HLCS: variants seen among roughly 807,000 people sequenced by gnomAD.
HLCS encodes the protein holocarboxylase synthetase, also known as biotin--protein ligase.
HLCS carries 53 observed loss-of-function variants against 75.0 expected under a neutral mutation model. That is an observed-to-expected ratio of 0.71 (90% CI 0.57 to 0.89). The LOEUF (loss-of-function observed/expected upper bound fraction) is 0.89, where lower values mean the gene tolerates loss of function less well. Among genes scored for constraint, HLCS ranks in the 40% least tolerant of loss-of-function variants. HLCS has a pLI of 0.00. For missense variants in HLCS, 966 were observed against 1,074.0 expected (o/e 0.90, Z 1.41); for synonymous variants, 431 against 428.6 (o/e 1.01, Z -0.07).
chr21:36,818,515 A>G (rs1305087905), intron 6 of HLCS, among the ~76,000 whole-genome samples: 1 of 152,186 alleles, frequency 6.6e-6, no homozygotes, highest in Non-Finnish European at 1.5e-5. Flanking sequence ...ATATTTTTAC[A>G]TTAGGTTGTC....
At position 36,753,001 on chromosome 21, in the gene HLCS, A is replaced by G. The variant is rs2089426515; in HGVS notation, c.*1245T>C. On this transcript the variant is annotated 3_prime_UTR_variant, in exon 11 of 11. Transcript: ENST00000674895. This position sits in a 1 kb window ranked among gnomAD's most constrained non-coding sequence, Gnocchi z 4.3. ...AGCTGAAAAGTAATGAGTATGATTC[A>G]TAAGTTCAACAGAGATAGGAGGGAC... 6.5e-6 allele frequency: 1 copy of G among 152,714 alleles called. No individual in the cohort carries two copies. Among genetic ancestry groups the G allele is most frequent in the African/African-American group, 2.4e-5 (1 of 41,478 alleles). The allele number at this position is 152,714 out of a possible 1,614,324, so 9.5% of individuals were successfully genotyped here.
chr21:36,928,206 G>T (rs2066487916), intron 5 of HLCS, among the ~76,000 whole-genome samples: 3 of 152,052 alleles, frequency 2.0e-5, no homozygotes, highest in Admixed American at 2.0e-4. Flanking sequence ...TGTATTCCAA[G>T]AAAACATCAT....
rs549576584 is a variant in HLCS, at chr21:36,750,175, C to T, written c.*4071G>A. 3.4e-4 allele frequency among the ~76,000 whole-genome samples: 51 copies of T among 152,132 alleles called. No individual in the cohort carries two copies. Among genetic ancestry groups the T allele is most frequent in the African/African-American group, 1.1e-3 (47 of 41,480 alleles). ...GCGTTTCTTGACTTCTGTGAGGCTC[C>T]GGCAGGGGAAGAGGAAGCATTTTAA... is the stretch of plus-strand genomic sequence containing the variant. On this transcript the variant is annotated 3_prime_UTR_variant, in exon 11 of 11. Transcript: ENST00000674895.
chr21:36,919,369 TA>T (rs1427923631), intron 5 of HLCS, among the ~76,000 whole-genome samples: 1 of 152,248 alleles, frequency 6.6e-6, no homozygotes, highest in Non-Finnish European at 1.5e-5. Flanking sequence ...AATTAAGTCA[TA>T]TGCCATGGTA....
chr21:36,800,747 T>C (rs2049474158), intron 6 of HLCS, among the ~76,000 whole-genome samples: 1 of 152,166 alleles, frequency 6.6e-6, no homozygotes, highest in East Asian at 1.9e-4. Context: ...TCACTTCAAG[T>C]AAAAGACAGT....
chr21:36,891,966 C>T (rs763351396), intron 6 of HLCS, among the ~76,000 whole-genome samples: 37 of 152,082 alleles, frequency 2.4e-4, no homozygotes, highest in Non-Finnish European at 2.2e-4. Flanking sequence ...AAGGGAGTTG[C>T]TATTAAATTG....
At chr21:36,851,388 G>A (rs528652002) in intron 6 of HLCS, among the ~76,000 whole-genome samples, 19 of 152,312 alleles carry the variant, frequency 1.2e-4, no homozygotes, top group East Asian at 3.9e-4. Context: ...CAACATGGAC[G>A]GAACTGGAGG....
chr21:36,896,525 AAAG>A (rs1001639702), intron 6 of HLCS: 29 of 373,092 alleles, frequency 7.8e-5, no homozygotes, highest in African/African-American at 5.8e-4. Context: ...TAACTGCACA[AAAG>A]AAGAATGATA....
At chr21:36,912,411 T>C (rs1038240510) in intron 5 of HLCS, among the ~76,000 whole-genome samples, 24 of 152,074 alleles carry the variant, frequency 1.6e-4, no homozygotes, top group African/African-American at 5.6e-4. Context: ...TATTGTATGA[T>C]GTCACTTGTA....
intron 8 of HLCS, among the ~76,000 whole-genome samples, chr21:36,762,291 G>A (rs1234709091): frequency 1.3e-5 from 2 of 152,198 alleles, no homozygotes; most frequent in African/African-American, 2.4e-5. Flanking sequence ...GAGGGTCTGA[G>A]AATGGCACTG....
intron 6 of HLCS, among the ~76,000 whole-genome samples, chr21:36,777,372 TA>T (rs1325020606): frequency 6.6e-6 from 1 of 152,342 alleles, no homozygotes; most frequent in Admixed American, 6.5e-5. Context: ...CTTTAAAATG[TA>T]AAAAAACATG....
intron 6 of HLCS, among the ~76,000 whole-genome samples, chr21:36,819,736 G>C (rs1475619125): frequency 1.3e-5 from 2 of 152,098 alleles, no homozygotes; most frequent in African/African-American, 4.8e-5. Context: ...ACAGCTAGCA[G>C]CCACCACTGA....
chr21:36,912,025 C>T (rs1196566861), intron 5 of HLCS, among the ~76,000 whole-genome samples: 3 of 147,300 alleles, frequency 2.0e-5, no homozygotes, highest in Non-Finnish European at 4.4e-5. Flanking sequence ...GAGCCAAGAT[C>T]ATGCCATTGC....
At chr21:36,775,037 AG>A (rs2060314219) in intron 6 of HLCS, among the ~76,000 whole-genome samples, 1 of 152,206 alleles carries the variant, frequency 6.6e-6, no homozygotes, top group South Asian at 2.1e-4. Flanking sequence ...ATGTTTCAGT[AG>A]GAGGCAACAC....
chr21:36,871,957 G>C (rs1390047451), intron 6 of HLCS, among the ~76,000 whole-genome samples: 1 of 152,170 alleles, frequency 6.6e-6, no homozygotes, highest in Non-Finnish European at 1.5e-5. Context: ...ACACCCACCA[G>C]ACCAGTTGAA....
intron 1 of HLCS, among the ~76,000 whole-genome samples, chr21:36,983,286 C>T (rs2069160191): frequency 6.6e-6 from 1 of 151,914 alleles, no homozygotes; most frequent in African/African-American, 2.4e-5. Context: ...TCTTGGCTCA[C>T]TGCAACCCCC....
intron 1 of HLCS, among the ~76,000 whole-genome samples, chr21:36,976,609 A>T (rs772330571): frequency 4.6e-5 from 7 of 152,078 alleles, no homozygotes; most frequent in Non-Finnish European, 1.0e-4. Context: ...AATAATAATA[A>T]TGTTGCACCA....
intron 1 of HLCS, 54 bp from the exon 2 acceptor site, chr21:36,962,224 A>G: frequency 1.6e-6 from 2 of 1,216,026 alleles, no homozygotes; most frequent in Non-Finnish European, 1.1e-6. Context: ...CACAACTGCC[A>G]TAAATTTCAA....
chr21:36,906,057 AAAAAAAACAAAAC>A lies in HLCS; in HGVS notation c.1621-8939_1621-8927del, dbSNP rs906334050. Among the ~76,000 whole-genome samples, 25 of 151,550 alleles carry A rather than the reference AAAAAAAACAAAAC, an allele frequency of 1.6e-4. 1 individual carries two copies. The highest frequency in any genetic ancestry group is 3.4e-3 in the Middle Eastern group (1 of 294). ...AGAGTGAGACTCCATCTCAAAAAAA[AAAAAAAACAAAAC>A]AAAAATTGGGTGCATTTCCATATAC... On this transcript the variant is annotated intron_variant, in intron 5 of 10. Transcript: ENST00000674895.
Sources: allele counts gnomAD v4.1 joint callset (sites outside exome capture counted in the v4.1 genomes callset), GRCh38; gene constraint gnomAD v4.1.1; non-coding constraint Gnocchi (gnomAD v3.1); transcripts MANE v1.5; gene names NCBI Gene and HGNC (gene_info 2026-07-23, HGNC 2026-07-21).